GPR162: variants seen among roughly 807,000 people sequenced by gnomAD.
GPR162 encodes the protein probable G protein-coupled receptor 162.
In GPR162, 26 loss-of-function variants were observed where a neutral mutation model predicts 44.9. The observed-to-expected ratio is 0.58, with a 90% CI of 0.42 to 0.80. The LOEUF (loss-of-function observed/expected upper bound fraction) is 0.80, where lower values mean the gene tolerates loss of function less well. Ranked by LOEUF, GPR162 falls within the 30% of genes least tolerant of loss-of-function variation. The pLI is 0.00. For synonymous variants in GPR162, 363 were observed against 335.2 expected (o/e 1.08, Z -0.91); for missense variants, 704 against 802.3 (o/e 0.88, Z 1.48).
chr12:6,825,781 C>T, intron 3 of GPR162, 108 bp downstream of exon 3: 1 of 930,180 alleles, frequency 1.1e-6, no homozygotes, highest in Non-Finnish European at 1.6e-6. Context: ...CCCTACTGGA[C>T]AGAATCTGCA....
In GPR162 at chr12:6,827,013, C is replaced by T. The variant is rs782069608; in HGVS notation, c.1576C>T (p.Arg526Cys). ...SPTASPGHSP[R>C]RPRPLGLSPR... Reference sequence around the variant, plus strand: ...GACTGCCTCACCAGGGCACTCTCCTCGTCGGCCCCGGCCACTGGGCCTCTC... The same window carrying T: ...GACTGCCTCACCAGGGCACTCTCCTTGTCGGCCCCGGCCACTGGGCCTCTC... Residue 526 changes from arginine (R) to cysteine (C), a missense_variant, in exon 5 of 5, where the codon CGT becomes TGT. By Grantham distance (180) the Arg-to-Cys change is radical. Coordinates refer to ENST00000311268, the MANE Select transcript of GPR162 (RefSeq NM_019858.2). The T allele has an allele frequency of 2.0e-5, 33 of 1,613,196 alleles. No homozygotes were observed. The highest frequency in any genetic ancestry group is 1.6e-4 in the South Asian group (15 of 91,088).
Position 6,827,375 on chromosome 12 carries a change from A to G in GPR162, c.*171A>G. ...TGACCAGATGCCCTACTCAGCTTCC[A>G]TCACCCCTAGCAATATGTATTAAAG... On this transcript the variant is annotated 3_prime_UTR_variant, in exon 5 of 5. Transcript: ENST00000311268. The G allele has an allele frequency of 1.6e-6, 1 of 607,722 alleles. No homozygotes were observed. Among genetic ancestry groups the G allele is most frequent in the South Asian group, 2.0e-5 (1 of 49,806 alleles). The allele number at this position is 607,722 out of a possible 1,614,324, so 37.6% of individuals were successfully genotyped here. A position where few individuals can be genotyped will look rare whatever the true frequency, so the allele number is the denominator to read the frequency against.
At chr12:6,825,715 C>G (rs2137947757) in intron 3 of GPR162, 42 bp downstream of exon 3, 2 of 1,498,334 alleles carry the variant, frequency 1.3e-6, no homozygotes, top group East Asian at 2.5e-5. Context: ...GGACATCTGT[C>G]TATTCCCTTT....
intron 4 of GPR162, 114 bp from the exon 5 acceptor site, chr12:6,826,539 A>G: frequency 1.7e-6 from 2 of 1,143,070 alleles, no homozygotes; most frequent in Non-Finnish European, 2.5e-6. Flanking sequence ...TGCCCACCGG[A>G]GCAAACGTTT....
chr12:6,825,087 C>G, intron 2 of GPR162: 1 of 572,950 alleles, frequency 1.7e-6, no homozygotes, highest in East Asian at 3.9e-5. Context: ...CAGCCGCAGA[C>G]CTCTCATCCA....
rs781961331 is a variant in GPR162 at position 6,824,563 on chromosome 12, G to A, written c.665G>A (p.Gly222Asp). The change falls in exon 2 of 5, where the codon GGT becomes GAT. Residue 222 changes from glycine (G) to aspartate (D), a missense_variant. Gly to Asp is a moderately conservative substitution (Grantham distance 94, BLOSUM62 -1). Around this residue, in one of 6 missense-constraint regions of GPR162, gnomAD observed 56 missense variants for 47.2 expected, o/e 1.19. Coordinates refer to ENST00000311268, the MANE Select transcript of GPR162 (RefSeq NM_019858.2). ...CGGCAGGCCCGGAGAGTGGGGGGTG[G>A]TGGGGGGACCAAAGCGGGTGGGCCA... is the stretch of plus-strand genomic sequence containing the variant. The part of the protein sequence containing the change: ...RARQARRVGG[G>D]GGTKAGGPGA... 6.2e-7 allele frequency: 1 copy of A among 1,604,500 alleles called. No individual in the cohort carries two copies. Among genetic ancestry groups the A allele is most frequent in the Non-Finnish European group, 8.5e-7 (1 of 1,174,488 alleles).
At chr12:6,825,185 A>C in intron 2 of GPR162, 1 of 541,336 alleles carries the variant, frequency 1.8e-6, no homozygotes, top group Non-Finnish European at 3.3e-6. Context: ...CACAGGGCTC[A>C]CCCCACCACC....
rs782013622 is a variant in GPR162 at position 6,826,997 on chromosome 12, A to T, written c.1560A>T (p.Ser520=). The T allele has an allele frequency of 3.8e-5, 61 of 1,613,186 alleles. No homozygotes were observed. In the Middle Eastern group the frequency reaches 1.3e-3, roughly 35 times the overall value. The change falls in exon 5 of 5, where the codon TCA becomes TCT. Residue 520 remains serine (S), a synonymous_variant. Coordinates refer to ENST00000311268, the MANE Select transcript of GPR162 (RefSeq NM_019858.2). ...DETPLPSPTA[S]PGHSPRRPRP... ...CACCTCTGCCTTCTCCGACTGCCTC[A>T]CCAGGGCACTCTCCTCGTCGGCCCC...
At chr12:6,826,439 C>T in intron 4 of GPR162, 86 bp downstream of exon 4, 1 of 1,339,004 alleles carries the variant, frequency 7.5e-7, no homozygotes, top group East Asian at 2.3e-5. Context: ...ATCCCCTCTT[C>T]CCTAGCCCTG....
At position 6,826,999 on chromosome 12, in the gene GPR162, C is replaced by G; in HGVS notation, c.1562C>G (p.Pro521Arg). The G allele has an allele frequency of 6.2e-7, 1 of 1,613,320 alleles. No individual in the cohort carries two copies. Among genetic ancestry groups the G allele is most frequent in the South Asian group, 1.1e-5 (1 of 91,088 alleles). ...CCTCTGCCTTCTCCGACTGCCTCAC[C>G]AGGGCACTCTCCTCGTCGGCCCCGG... ...ETPLPSPTAS[P>R]GHSPRRPRPL... Residue 521 changes from proline to arginine, a missense_variant, in exon 5 of 5, where the codon CCA becomes CGA. Physicochemically the swap from Pro to Arg is moderately radical, Grantham distance 103. Around this residue, in one of 6 missense-constraint regions of GPR162, gnomAD observed 404 missense variants for 314.1 expected, o/e 1.29. Transcript: ENST00000311268.
In GPR162 at chr12:6,821,905, G is replaced by A. The variant is rs1943284652; in HGVS notation, c.-432+5G>A. 1 of 152,494 alleles carries A rather than the reference G, an allele frequency of 6.6e-6. No homozygotes were observed. Among genetic ancestry groups the A allele is most frequent in the Non-Finnish European group, 1.5e-5 (1 of 68,312 alleles). 9.4% of individuals were successfully genotyped at this position (152,494 alleles called of 1,614,324 possible). On this transcript the variant is annotated splice_donor_5th_base_variant and intron_variant, in intron 1 of 4. Coordinates refer to ENST00000311268, the MANE Select transcript of GPR162 (RefSeq NM_019858.2). ...GCTGGGCGCAGCCGGAGAGAGGTAA[G>A]ACGACCCCTGCCTGCCCCGTCCCCT...
At chr12:6,826,519 G>A (rs1555120105) in intron 4 of GPR162, 134 bp from the exon 5 acceptor site, 2 of 1,074,642 alleles carry the variant, frequency 1.9e-6, no homozygotes, top group Non-Finnish European at 1.3e-6. Flanking sequence ...AGACCTCGTG[G>A]GGCCAGGTTT....
Position 6,822,559 on chromosome 12 carries a change from G to A in GPR162, c.-432+659G>A, listed in dbSNP as rs2137943021. Among the ~76,000 whole-genome samples the A allele has an allele frequency of 2.0e-5, 3 of 152,294 alleles. No homozygotes were observed. In the South Asian group the frequency reaches 6.2e-4, roughly 32 times the overall value. The stretch of plus-strand genomic sequence containing the variant: ...CTTACCCCCCTTCCCAGGGCTCACT[G>A]AAGCTCAGCATCACGCACTAAAACT... On this transcript the variant is annotated intron_variant, in intron 1 of 4. Transcript: ENST00000311268. The surrounding 1 kb of genome is among the most constrained non-coding windows in gnomAD (Gnocchi z 4.2).
At position 6,824,299 on chromosome 12, in the gene GPR162, C is replaced by T; in HGVS notation, c.401C>T (p.Ala134Val). The T allele has an allele frequency of 6.2e-7, 1 of 1,614,028 alleles. No individual in the cohort carries two copies. The highest frequency in any genetic ancestry group is 8.5e-7 in the Non-Finnish European group (1 of 1,179,968). The change falls in exon 2 of 5, where the codon GCA becomes GTA. Residue 134 changes from alanine (A) to valine (V), a missense_variant. Physicochemically the swap from Ala to Val is moderately conservative, Grantham distance 64. Transcript: ENST00000311268. ...NYRLSNAKKQ[A>V]LHAVMGIWMV... Reference sequence around the variant, plus strand: ...CGCCTCAGCAACGCCAAGAAGCAGGCACTGCATGCCGTCATGGGCATCTGG... The same window carrying T: ...CGCCTCAGCAACGCCAAGAAGCAGGTACTGCATGCCGTCATGGGCATCTGG...
At position 6,826,861 on chromosome 12, in the gene GPR162, G is replaced by A. The variant is rs781950849; in HGVS notation, c.1424G>A (p.Gly475Glu). ...GACGAGGAAGAGGCTGAAGGTGGGGGGCTGGCCAGCCTTCGCCAATTCTTG... is the reference window on the plus strand; with the variant it reads ...GACGAGGAAGAGGCTGAAGGTGGGGAGCTGGCCAGCCTTCGCCAATTCTTG... ...EEDEEEAEGG[G>E]LASLRQFLES... The change falls in exon 5 of 5, where the codon GGG (glycine) becomes GAG (glutamate). Residue 475 changes from glycine (G) to glutamate (E), a missense_variant. Gly to Glu is a moderately conservative substitution (Grantham distance 98). Transcript: ENST00000311268. 1.2e-5 allele frequency: 19 copies of A among 1,612,838 alleles called. No homozygotes were observed. The highest frequency in any genetic ancestry group is 1.7e-5 in the Admixed American group (1 of 59,926).
At chr12:6,825,370 C>A in intron 2 of GPR162, 114 bp from the exon 3 acceptor site, 1 of 655,592 alleles carries the variant, frequency 1.5e-6, no homozygotes, top group Non-Finnish European at 2.6e-6. Context: ...TCTGTTGGAG[C>A]ACAGGGATCA....
chr12:6,824,280 A>G lies in GPR162; in HGVS notation c.382A>G (p.Ser128Gly). 1 of 1,614,100 alleles carries G rather than the reference A, an allele frequency of 6.2e-7. No individual in the cohort carries two copies. Among genetic ancestry groups the G allele is most frequent in the Non-Finnish European group, 8.5e-7 (1 of 1,180,028 alleles). ...MVRWPVNYRLSNAKKQALHAV... is the reference protein window; with the variant it reads ...MVRWPVNYRLGNAKKQALHAV... ...GCGCTGGCCCGTCAACTACCGCCTC[A>G]GCAACGCCAAGAAGCAGGCACTGCA... The change falls in exon 2 of 5, where the codon AGC (serine) becomes GGC (glycine). Residue 128 changes from serine to glycine, a missense_variant. Transcript: ENST00000311268.
Position 6,827,140 on chromosome 12 carries a change from G to T in GPR162, c.1703G>T (p.Ser568Ile). The T allele has an allele frequency of 6.2e-7, 1 of 1,613,296 alleles. No homozygotes were observed. Among genetic ancestry groups the T allele is most frequent in the Non-Finnish European group, 8.5e-7 (1 of 1,180,022 alleles). The part of the protein sequence containing the change: ...RRCSLTGGEE[S>I]ARAWGGSWGP... Reference sequence around the variant, plus strand: ...TGCTCCCTGACGGGGGGTGAAGAAAGTGCAAGGGCTTGGGGAGGATCCTGG... The same window carrying T: ...TGCTCCCTGACGGGGGGTGAAGAAATTGCAAGGGCTTGGGGAGGATCCTGG... Residue 568 changes from serine (S) to isoleucine (I), a missense_variant, in exon 5 of 5, where the codon AGT (serine) becomes ATT (isoleucine). Transcript: ENST00000311268.
intron 2 of GPR162, chr12:6,825,007 G>A (rs1565507803): frequency 1.5e-6 from 1 of 685,096 alleles, no homozygotes; most frequent in Non-Finnish European, 2.7e-6. Context: ...CCACTCCTCA[G>A]CTCCATCACC....
Sources: gnomAD v4.1 joint callset for allele counts (sites outside exome capture counted in the v4.1 genomes callset) on GRCh38, gnomAD v4.1.1 for gene constraint, gnomAD v4.1.1 regional missense constraint, Gnocchi (gnomAD v3.1) non-coding constraint, MANE v1.5 for transcripts, NCBI Gene and HGNC (gene_info 2026-07-23, HGNC 2026-07-21) for gene names.